The following ADAMTS19 variants were observed in gnomAD, a reference collection of about 807,000 sequenced individuals.
ADAMTS19 encodes ADAM metallopeptidase with thrombospondin type 1 motif 19.
A neutral mutation model predicts 153.3 loss-of-function variants in ADAMTS19; 93 were observed. That is an observed-to-expected ratio of 0.61 (90% CI 0.51 to 0.72). The LOEUF is 0.72. Ranked by LOEUF, ADAMTS19 falls within the 30% of genes least tolerant of loss-of-function variation. The pLI, the probability that ADAMTS19 is intolerant of heterozygous loss-of-function variation, is 0.00. For synonymous variants in ADAMTS19, 600 were observed against 556.6 expected, an observed-to-expected ratio of 1.08 and a Z score of -1.10; for missense variants, 1,482 against 1,552.1, an observed-to-expected ratio of 0.95 and a Z score of 0.76.
At chr5:129,571,649 T>C (rs1313918888) in intron 7 of ADAMTS19, among the ~76,000 whole-genome samples, 1 of 151,800 alleles carries the variant, frequency 6.6e-6, no homozygotes, top group Non-Finnish European at 1.5e-5. Flanking sequence ...TAAGTGCTTT[T>C]TTGTAGATAT....
chr5:129,698,789 G>A (rs1755687294), intron 19 of ADAMTS19, among the ~76,000 whole-genome samples: 1 of 152,096 alleles, frequency 6.6e-6, no homozygotes, highest in African/African-American at 2.4e-5. Flanking sequence ...TTATTTTTTG[G>A]ATATTCTTGT....
chr5:129,501,483 G>A (rs1178620145), intron 2 of ADAMTS19, among the ~76,000 whole-genome samples: 1 of 152,114 alleles, frequency 6.6e-6, no homozygotes, highest in African/African-American at 2.4e-5. Context: ...TACCATCTGT[G>A]AGGTGTTATG....
At chr5:129,589,793 C>T (rs2126904541) in intron 7 of ADAMTS19, among the ~76,000 whole-genome samples, 1 of 152,186 alleles carries the variant, frequency 6.6e-6, no homozygotes, top group South Asian at 2.1e-4. Context: ...AGCTCATATT[C>T]AGTGGAACAT....
chr5:129,480,868 G>A (rs753923276), intron 2 of ADAMTS19, among the ~76,000 whole-genome samples: 2 of 152,052 alleles, frequency 1.3e-5, no homozygotes, highest in Non-Finnish European at 2.9e-5. Flanking sequence ...TATTCTATTT[G>A]TATGAGATTC....
chr5:129,567,974 C>G (rs540888593), intron 7 of ADAMTS19, among the ~76,000 whole-genome samples: 1 of 152,156 alleles, frequency 6.6e-6, no homozygotes, highest in South Asian at 2.1e-4. Context: ...TTTCTCATGA[C>G]AAACCATGAA....
chr5:129,555,664 T>A (rs1212048387), intron 7 of ADAMTS19, among the ~76,000 whole-genome samples: 2 of 152,172 alleles, frequency 1.3e-5, no homozygotes, highest in African/African-American at 4.8e-5. Flanking sequence ...TCTACACCAG[T>A]TTCTATCACA....
chr5:129,565,650 A>G (rs1753679902), intron 7 of ADAMTS19, among the ~76,000 whole-genome samples: 1 of 152,128 alleles, frequency 6.6e-6, no homozygotes, highest in Non-Finnish European at 1.5e-5. Flanking sequence ...GCCTTTCATT[A>G]TTGTTGCCCA....
At chr5:129,543,028 T>TG (rs1752708619) in intron 6 of ADAMTS19, among the ~76,000 whole-genome samples, 1 of 150,700 alleles carries the variant, frequency 6.6e-6, no homozygotes, top group South Asian at 2.1e-4. Context: ...GTTGTTTTTT[T>TG]TTGTTGTTGT....
chr5:129,597,318 A>C (rs1384513184), intron 8 of ADAMTS19, among the ~76,000 whole-genome samples: 9 of 152,204 alleles, frequency 5.9e-5, no homozygotes, highest in African/African-American at 2.2e-4. Context: ...ACACGTTTTT[A>C]AGTGCTTTGT....
At chr5:129,506,543 T>C (rs909398493) in intron 2 of ADAMTS19, among the ~76,000 whole-genome samples, 2 of 152,040 alleles carry the variant, frequency 1.3e-5, no homozygotes, top group African/African-American at 4.8e-5. Context: ...CAGTAACTCG[T>C]CATTTAACAA....
At chr5:129,563,622 C>G (rs563912187) in intron 7 of ADAMTS19, among the ~76,000 whole-genome samples, 20 of 152,210 alleles carry the variant, frequency 1.3e-4, no homozygotes, top group African/African-American at 4.8e-4. Flanking sequence ...CCTGTGCCCA[C>G]CTTCAATGGG....
intron 18 of ADAMTS19, among the ~76,000 whole-genome samples, chr5:129,684,844 G>T (rs938197933): frequency 6.6e-6 from 1 of 151,970 alleles, no homozygotes. Flanking sequence ...AAAATTAGCC[G>T]GGTGTGGTGG....
At chr5:129,669,453 C>G (rs895750378) in intron 16 of ADAMTS19, among the ~76,000 whole-genome samples, 1 of 152,052 alleles carries the variant, frequency 6.6e-6, no homozygotes. Context: ...TTGATTATAA[C>G]AGCCTCACTT....
chr5:129,491,495 A>C (rs1260432115), intron 2 of ADAMTS19, among the ~76,000 whole-genome samples: 1 of 152,120 alleles, frequency 6.6e-6, no homozygotes, highest in Non-Finnish European at 1.5e-5. Flanking sequence ...GTCATCAGCC[A>C]TTAGGGTTTC....
chr5:129,628,440 C>A (rs569525152), intron 10 of ADAMTS19, among the ~76,000 whole-genome samples: 3 of 150,568 alleles, frequency 2.0e-5, no homozygotes, highest in East Asian at 1.9e-4. Context: ...TGTAATATAC[C>A]CCTGAACTTA....
At chr5:129,478,179 A>C (rs1750288923) in intron 2 of ADAMTS19, among the ~76,000 whole-genome samples, 1 of 152,196 alleles carries the variant, frequency 6.6e-6, no homozygotes, top group Non-Finnish European at 1.5e-5. Flanking sequence ...GCTTGTGTGT[A>C]AATCTAGTTT....
intron 7 of ADAMTS19, among the ~76,000 whole-genome samples, chr5:129,563,561 G>A (rs527625664): frequency 4.7e-4 from 72 of 152,258 alleles, no homozygotes; most frequent in African/African-American, 1.7e-3. Context: ...TGCCCACTCA[G>A]TCTAGTGGGA....
Position 129,461,749 on chromosome 5 carries a change from G to A in ADAMTS19, c.739G>A (p.Gly247Ser), listed in dbSNP as rs984615718. 6.7e-7 allele frequency: 1 copy of A among 1,496,390 alleles called. No individual in the cohort carries two copies. Among genetic ancestry groups the A allele is most frequent in the African/African-American group, 1.4e-5 (1 of 69,618 alleles). 92.7% of individuals were successfully genotyped at this position (1,496,390 alleles called of 1,614,324 possible). The change falls in exon 2 of 23, where the codon GGT (glycine) becomes AGT (serine). Residue 247 changes from glycine (G) to serine (S), a missense_variant. Gly to Ser is a moderately conservative substitution (Grantham distance 56). Around this residue, in one of 2 missense-constraint regions of ADAMTS19, gnomAD observed 866 missense variants for 827.7 expected, o/e 1.05. Transcript: ENST00000274487. This position sits in a 1 kb window ranked among gnomAD's most constrained non-coding sequence, Gnocchi z 4.6. ...GCTGGCTTCTTTCAGCACCTGTGGA[G>A]GTGGCCTGGTAAGCGCCTTCTTTCC... is the stretch of plus-strand genomic sequence containing the variant. ...GSLASFSTCG[G>S]GLMGFIQLNE...
intron 16 of ADAMTS19, among the ~76,000 whole-genome samples, chr5:129,677,708 C>T (rs1754611023): frequency 6.6e-6 from 1 of 152,156 alleles, no homozygotes. Context: ...CCATTACTTT[C>T]AGTTGGGCTA....
Sources: gnomAD v4.1 joint callset for allele counts (sites outside exome capture counted in the v4.1 genomes callset) on GRCh38, gnomAD v4.1.1 for gene constraint, gnomAD v4.1.1 regional missense constraint, Gnocchi (gnomAD v3.1) non-coding constraint, MANE v1.5 for transcripts, NCBI Gene and HGNC (gene_info 2026-07-23, HGNC 2026-07-21) for gene names.